NAALADL2: variants seen among roughly 807,000 people sequenced by gnomAD.
NAALADL2 encodes N-acetylated alpha-linked acidic dipeptidase like 2, also known as inactive N-acetylated-alpha-linked acidic dipeptidase-like protein 2.
Under a neutral mutation model 87.2 loss-of-function variants are expected in NAALADL2, and 76 were observed. That is an observed-to-expected ratio of 0.87 (90% CI 0.72 to 1.05). The LOEUF (loss-of-function observed/expected upper bound fraction) is 1.05. Among genes scored for constraint, NAALADL2 ranks in the 50% least tolerant of loss-of-function variants. The probability of loss-of-function intolerance (pLI) is 0.00; values close to 1 mark genes in which losing one functional copy is unlikely to be tolerated. For missense variants in NAALADL2, 1,089 were observed against 945.8 expected, an observed-to-expected ratio of 1.15 and a Z score of -1.99; for synonymous variants, 354 against 331.0, an observed-to-expected ratio of 1.07 and a Z score of -0.75.
At chr3:175,082,048 A>G (rs199684758) in intron 1 of NAALADL2, among the ~76,000 whole-genome samples, 3 of 150,694 alleles carry the variant, frequency 2.0e-5, no homozygotes, top group South Asian at 2.1e-4. Flanking sequence ...GTGTATGTGT[A>G]TGTGTGTGTG....
intron 1 of NAALADL2, among the ~76,000 whole-genome samples, chr3:174,445,370 G>A (rs1363594474): frequency 1.3e-5 from 2 of 152,050 alleles, no homozygotes; most frequent in Non-Finnish European, 2.9e-5. Context: ...CAAAAGATTA[G>A]GAGTTAGGGG....
At chr3:175,649,508 T>C (rs1730457811) in intron 11 of NAALADL2, among the ~76,000 whole-genome samples, 1 of 152,102 alleles carries the variant, frequency 6.6e-6, no homozygotes, top group Non-Finnish European at 1.5e-5. Context: ...AAATTAGTTT[T>C]CTCATAGTTC....
chr3:175,063,872 T>C (rs57461386), intron 1 of NAALADL2, among the ~76,000 whole-genome samples: 4,271 of 152,294 alleles, frequency 0.028, 177 homozygotes, highest in African/African-American at 0.098. Flanking sequence ...ACTACATCCG[T>C]ATTTGTCAAA....
chr3:174,987,485 C>T (rs914209510), intron 1 of NAALADL2, among the ~76,000 whole-genome samples: 13 of 127,958 alleles, frequency 1.0e-4, no homozygotes, highest in Non-Finnish European at 7.8e-5. Flanking sequence ...AGGAGAATGG[C>T]GTGAACCCGG....
intron 5 of NAALADL2, among the ~76,000 whole-genome samples, chr3:175,446,319 G>A (rs1720683930): frequency 6.6e-6 from 1 of 152,020 alleles, no homozygotes; most frequent in South Asian, 2.1e-4. Flanking sequence ...TTGACTCACT[G>A]CAACCTCTGC....
At chr3:175,254,685 A>T (rs1009467246) in intron 3 of NAALADL2, among the ~76,000 whole-genome samples, 15 of 152,220 alleles carry the variant, frequency 9.9e-5, no homozygotes, top group Non-Finnish European at 1.8e-4. Flanking sequence ...AAAAATAGGA[A>T]TTTTTCTCAC....
At chr3:175,558,189 C>T (rs550903564) in intron 9 of NAALADL2, among the ~76,000 whole-genome samples, 55 of 98,530 alleles carry the variant, frequency 5.6e-4, no homozygotes, top group Non-Finnish European at 1.4e-4. Context: ...AGCAAGACCC[C>T]GTCTCAAAAA....
At chr3:174,666,658 C>T (rs556588713) in intron 2 of NAALADL2, among the ~76,000 whole-genome samples, 3 of 152,310 alleles carry the variant, frequency 2.0e-5, no homozygotes, top group South Asian at 2.1e-4. Context: ...TGCATAGCTA[C>T]AGCCATCCAT....
chr3:174,642,974 G>A (rs943656558), intron 2 of NAALADL2, among the ~76,000 whole-genome samples: 1 of 151,964 alleles, frequency 6.6e-6, no homozygotes, highest in South Asian at 2.1e-4. Flanking sequence ...TAGAGTCAGG[G>A]TCTCACTATG....
At chr3:174,445,888 T>A (rs1451785660) in intron 1 of NAALADL2, among the ~76,000 whole-genome samples, 1 of 152,178 alleles carries the variant, frequency 6.6e-6, no homozygotes, top group South Asian at 2.1e-4. Context: ...TTGTGCCTAA[T>A]TTTTTGTTTG....
At chr3:175,581,572 A>T (rs191743690) in intron 10 of NAALADL2, among the ~76,000 whole-genome samples, 3 of 152,352 alleles carry the variant, frequency 2.0e-5, no homozygotes, top group Admixed American at 6.5e-5. Context: ...TTTTATTCAT[A>T]TAATGACAAG....
intron 1 of NAALADL2, among the ~76,000 whole-genome samples, chr3:174,544,482 A>G (rs1722542760): frequency 1.3e-5 from 2 of 149,690 alleles, no homozygotes; most frequent in Non-Finnish European, 3.0e-5. Flanking sequence ...ATCTTTCACT[A>G]TTTGCTCCCA....
chr3:175,801,716 AT>A (rs1348093492), intron 13 of NAALADL2, among the ~76,000 whole-genome samples: 20 of 152,062 alleles, frequency 1.3e-4, no homozygotes, highest in Admixed American at 1.1e-3. Flanking sequence ...TATTTAAGTT[AT>A]TTACCTGTTT....
In NAALADL2 at chr3:175,695,581, A is replaced by T. The variant is rs142708390; in HGVS notation, c.1897-41725A>T. Among the ~76,000 whole-genome samples the T allele has an allele frequency of 5.4e-3, 817 of 152,282 alleles. 7 individuals are homozygous for T. Among genetic ancestry groups the T allele is most frequent in the African/African-American group, 0.018 (755 of 41,560 alleles). On this transcript the variant is annotated intron_variant, in intron 11 of 13. Transcript: ENST00000454872. ...CACACTTATCACTCTCTTTATCTGT[A>T]TAGGTCCATTTAGTACTATTTGTTC...
At chr3:175,494,194 T>G (rs1347351345) in intron 9 of NAALADL2, among the ~76,000 whole-genome samples, 1 of 152,118 alleles carries the variant, frequency 6.6e-6, no homozygotes, top group East Asian at 1.9e-4. Flanking sequence ...ATAAACAACC[T>G]GATTTTTACT....
chr3:174,575,865 G>GTTT (rs1259020675), intron 2 of NAALADL2, among the ~76,000 whole-genome samples: 1 of 151,964 alleles, frequency 6.6e-6, no homozygotes, highest in Admixed American at 6.6e-5. Flanking sequence ...TAGTTTGTTT[G>GTTT]TTTGTTTATT....
chr3:174,910,636 T>C (rs1283518061), intron 1 of NAALADL2, among the ~76,000 whole-genome samples: 1 of 152,030 alleles, frequency 6.6e-6, no homozygotes, highest in Non-Finnish European at 1.5e-5. Flanking sequence ...AGGATGACGC[T>C]CTGTGGAATA....
intron 1 of NAALADL2, among the ~76,000 whole-genome samples, chr3:174,935,261 T>C (rs1182920490): frequency 2.0e-5 from 3 of 152,192 alleles, no homozygotes; most frequent in Admixed American, 6.6e-5. Context: ...AGGAACTATC[T>C]TGCGTTTGCC....
chr3:174,916,766 A>G (rs936016392), intron 1 of NAALADL2, among the ~76,000 whole-genome samples: 3 of 152,136 alleles, frequency 2.0e-5, no homozygotes, highest in Admixed American at 6.6e-5. Context: ...TGTATAGTGT[A>G]TACTGCTCAA....
Sources: allele counts gnomAD v4.1 joint callset (sites outside exome capture counted in the v4.1 genomes callset), GRCh38; gene constraint gnomAD v4.1.1; transcripts MANE v1.5; gene names NCBI Gene and HGNC (gene_info 2026-07-23, HGNC 2026-07-21).